The following CYP2A13 variants were observed in gnomAD, a reference collection of about 807,000 sequenced individuals.
CYP2A13 encodes cytochrome P450 family 2 subfamily A member 13, also known as cytochrome P450 2A13.
Under a neutral mutation model 39.4 loss-of-function variants are expected in CYP2A13, and 30 were observed. That is an observed-to-expected ratio of 0.76 (90% CI 0.57 to 1.03). The LOEUF (loss-of-function observed/expected upper bound fraction) is 1.03. Ranked by LOEUF, CYP2A13 falls within the 50% of genes least tolerant of loss-of-function variation. The probability of loss-of-function intolerance (pLI) is 0.00; values close to 1 mark genes in which losing one functional copy is unlikely to be tolerated. For missense variants in CYP2A13, 731 were observed against 648.4 expected, an observed-to-expected ratio of 1.13 and a Z score of -1.38; for synonymous variants, 269 against 254.7, an observed-to-expected ratio of 1.06 and a Z score of -0.54.
At position 41,091,756 on chromosome 19, in the gene CYP2A13, A is replaced by G. The variant is rs1157901067; in HGVS notation, c.679A>G (p.Met227Val). The change falls in exon 5 of 9, where the codon ATG becomes GTG. Residue 227 changes from methionine to valine, a missense_variant. By Grantham distance (21) the Met-to-Val change is conservative. Coordinates refer to ENST00000330436, the MANE Select transcript of CYP2A13 (RefSeq NM_000766.5). ...GQLYEMFSSV[M>V]KHLPGPQQQA... ...GCTCTATGAGATGTTCTCTTCGGTG[A>G]TGAAACACCTGCCAGGACCACAGCA... 1.2e-6 allele frequency: 2 copies of G among 1,613,840 alleles called. No individual in the cohort carries two copies. Among genetic ancestry groups the G allele is most frequent in the Non-Finnish European group, 1.7e-6 (2 of 1,179,876 alleles).
chr19:41,090,704 C>A lies in CYP2A13; in HGVS notation c.654+140C>A, dbSNP rs1200649808. 4 of 1,365,718 alleles carry A rather than the reference C, an allele frequency of 2.9e-6. No homozygotes were observed. In the African/African-American group the frequency reaches 4.3e-5, roughly 15 times the overall value. 84.6% of individuals were successfully genotyped at this position (1,365,718 alleles called of 1,614,324 possible). On this transcript the variant is annotated intron_variant, in intron 4 of 8. Coordinates refer to ENST00000330436, the MANE Select transcript of CYP2A13 (RefSeq NM_000766.5). ...CAGTCCCCGATATTGGACAACTGGACGGTTGCACCAGAACCCAGGAGGGAT... is the reference window on the plus strand; with the variant it reads ...CAGTCCCCGATATTGGACAACTGGAAGGTTGCACCAGAACCCAGGAGGGAT...
Position 41,090,161 on chromosome 19 carries a change from C to G in CYP2A13, c.458C>G (p.Ala153Gly). Residue 153 changes from alanine to glycine, a missense_variant, in exon 3 of 9, where the codon GCG (alanine) becomes GGG (glycine). Transcript: ENST00000330436. ...ATCGAGGAACGCATCCAGGAGGAGG[C>G]GGGCTTCCTCATCGACGCCCTCCGG... ...RGIEERIQEE[A>G]GFLIDALRGT... is the part of the protein sequence containing the mutation. 2.5e-6 allele frequency: 4 copies of G among 1,591,292 alleles called. No individual in the cohort carries two copies. The highest frequency in any genetic ancestry group is 1.3e-5 in the African/African-American group (1 of 74,580).
In CYP2A13 at chr19:41,095,073, A is replaced by G. The variant is rs752229472; in HGVS notation, c.1276A>G (p.Ser426Gly). ...GGATAAGAAGGGGCAGTTTAAGAAG[A>G]GTGATGCTTTTGTGCCCTTTTCCAT... ...FLDKKGQFKK[S>G]DAFVPFSIGK... Residue 426 changes from serine (S) to glycine (G), a missense_variant, in exon 8 of 9, where the codon AGT (serine) becomes GGT (glycine). By Grantham distance (56) the Ser-to-Gly change is moderately conservative. Coordinates refer to ENST00000330436, the MANE Select transcript of CYP2A13 (RefSeq NM_000766.5). 1 of 1,614,074 alleles carries G rather than the reference A, an allele frequency of 6.2e-7. No homozygotes were observed. Among genetic ancestry groups the G allele is most frequent in the Non-Finnish European group, 8.5e-7 (1 of 1,180,022 alleles).
intron 3 of CYP2A13, 91 bp from the exon 4 acceptor site, chr19:41,090,313 C>T: frequency 1.3e-6 from 2 of 1,589,008 alleles, no homozygotes; most frequent in Non-Finnish European, 8.6e-7. Context: ...TGGGATTCGG[C>T]TCAACAGGGC....
rs72547586 is a variant in CYP2A13, at chr19:41,088,938, C to A, written c.190C>A (p.Arg64Ser). Residue 64 changes from arginine (R) to serine (S), a missense_variant, in exon 2 of 9, where the codon CGC becomes AGC. Arg to Ser is a moderately radical substitution (Grantham distance 110, BLOSUM62 -1). Coordinates refer to ENST00000330436, the MANE Select transcript of CYP2A13 (RefSeq NM_000766.5). Reference sequence around the variant, plus strand: ...CACCTGCCTCCAACAGATCAGTGAGCGCTATGGCCCTGTGTTCACCATTCA... The same window carrying A: ...CACCTGCCTCCAACAGATCAGTGAGAGCTATGGCCCTGTGTTCACCATTCA... ...MYNSLMKISERYGPVFTIHLG... is the reference protein window; with the variant it reads ...MYNSLMKISESYGPVFTIHLG... 5.0e-5 allele frequency: 80 copies of A among 1,613,876 alleles called. 1 individual carries two copies. In the African/African-American group the frequency reaches 9.9e-4, roughly 20 times the overall value.
At chr19:41,089,279 G>A (rs533156747) in intron 2 of CYP2A13, among the ~76,000 whole-genome samples, 188 bp downstream of exon 2, 2 of 151,912 alleles carry the variant, frequency 1.3e-5, no homozygotes, top group South Asian at 2.1e-4. Flanking sequence ...CGTCCCTGTC[G>A]TGATTCCTCC....
intron 7 of CYP2A13, 64 bp downstream of exon 7, chr19:41,094,496 C>T: frequency 3.2e-6 from 5 of 1,586,928 alleles, no homozygotes; most frequent in Non-Finnish European, 4.3e-6. Context: ...CTCTGTGTCC[C>T]CAGAATCCTG....
intron 7 of CYP2A13, 85 bp from the exon 8 acceptor site, chr19:41,094,874 A>C: frequency 6.6e-7 from 1 of 1,514,696 alleles, no homozygotes; most frequent in Non-Finnish European, 9.1e-7. Flanking sequence ...CACCTGGGGC[A>C]CCCTAGTTCC....
At chr19:41,093,520 T>C (rs1294289263) in intron 5 of CYP2A13, 110 bp from the exon 6 acceptor site, 2 of 1,400,412 alleles carry the variant, frequency 1.4e-6, no homozygotes, top group East Asian at 4.7e-5. Context: ...CTAGGGTCCC[T>C]CTTTCCACCT....
intron 4 of CYP2A13, 117 bp from the exon 5 acceptor site, chr19:41,091,614 AC>A (rs879271674): frequency 4.3e-5 from 63 of 1,465,978 alleles, no homozygotes; most frequent in Non-Finnish European, 5.2e-5. Context: ...ATACCTAAAC[AC>A]CTGGACAGAT....
chr19:41,094,875 C>T (rs10425590), intron 7 of CYP2A13, 84 bp from the exon 8 acceptor site: 3 of 1,528,556 alleles, frequency 2.0e-6, no homozygotes, highest in Non-Finnish European at 1.8e-6. Context: ...ACCTGGGGCA[C>T]CCTAGTTCCC....
chr19:41,090,926 G>C (rs940439421), intron 4 of CYP2A13, among the ~76,000 whole-genome samples: 20 of 152,156 alleles, frequency 1.3e-4, no homozygotes, highest in South Asian at 4.1e-4. Flanking sequence ...AAGTGACTGC[G>C]TCAACCCGCC....
chr19:41,095,814 T>A lies in CYP2A13; in HGVS notation c.1358T>A (p.Phe453Tyr), dbSNP rs72547590. The A allele has an allele frequency of 1.6e-5, 26 of 1,613,978 alleles. No individual in the cohort carries two copies. In the East Asian group the frequency reaches 4.0e-4, roughly 25 times the overall value. ...GCCAGAATGGAGCTCTTTCTCTTCT[T>A]CACCACCATCATGCAGAACTTTCGC... The part of the protein sequence containing the change: ...GLARMELFLF[F>Y]TTIMQNFRFK... Residue 453 changes from phenylalanine to tyrosine, a missense_variant, in exon 9 of 9, where the codon TTC becomes TAC. Physicochemically the swap from Phe to Tyr is conservative, Grantham distance 22. Transcript: ENST00000330436.
intron 2 of CYP2A13, among the ~76,000 whole-genome samples, chr19:41,089,808 C>G (rs1375156104): frequency 7.8e-3 from 16 of 2,044 alleles, no homozygotes; most frequent in African/African-American, 0.035. Context: ...TACCCGGTCT[C>G]TCTCTCTCTC....
chr19:41,096,084 C>T lies in CYP2A13; in HGVS notation c.*143C>T. 8.0e-7 allele frequency: 1 copy of T among 1,250,218 alleles called. No individual in the cohort carries two copies. Among genetic ancestry groups the T allele is most frequent in the Non-Finnish European group, 1.1e-6 (1 of 902,246 alleles). The allele number at this position is 1,250,218 out of a possible 1,614,324, so 77.4% of individuals were successfully genotyped here. A position where few individuals can be genotyped will look rare whatever the true frequency, so the allele number is the denominator to read the frequency against. Reference sequence around the variant, plus strand: ...AGGTGGTTAGAGGGAACAGAAGAAACAGAAGGGGCTCAGTTCACCTTGATG... The same window carrying T: ...AGGTGGTTAGAGGGAACAGAAGAAATAGAAGGGGCTCAGTTCACCTTGATG... On this transcript the variant is annotated 3_prime_UTR_variant, in exon 9 of 9. Coordinates refer to ENST00000330436, the MANE Select transcript of CYP2A13 (RefSeq NM_000766.5).
intron 6 of CYP2A13, among the ~76,000 whole-genome samples, chr19:41,094,021 A>G (rs1486898623): frequency 6.6e-6 from 1 of 152,072 alleles, no homozygotes; most frequent in African/African-American, 2.4e-5. Flanking sequence ...GCTCCTCTGG[A>G]TCATCCCCTA....
Position 41,089,003 on chromosome 19 carries a change from T to C in CYP2A13, c.255T>C (p.Asp85=), listed in dbSNP as rs534042805. Residue 85 remains aspartate, a synonymous_variant, in exon 2 of 9, where the codon GAT becomes GAC. Transcript: ENST00000330436. Reference sequence around the variant, plus strand: ...GGGTCGTGGTGCTGTGCGGACATGATGCCGTCAAGGAGGCTCTGGTGGACC... The same window carrying C: ...GGGTCGTGGTGCTGTGCGGACATGACGCCGTCAAGGAGGCTCTGGTGGACC... ...PRRVVVLCGH[D]AVKEALVDQA... is the part of the protein sequence containing the mutation. 1 of 1,613,894 alleles carries C rather than the reference T, an allele frequency of 6.2e-7. No individual in the cohort carries two copies. Among genetic ancestry groups the C allele is most frequent in the East Asian group, 2.2e-5 (1 of 44,878 alleles).
chr19:41,095,909 C>T lies in CYP2A13; in HGVS notation c.1453C>T (p.Arg485Ter), dbSNP rs777696519. ...PKHVGFATIP[R>*]NYTMSFLPR ...ACACGTGGGCTTTGCCACGATCCCACGAAACTACACCATGAGCTTCCTGCC... is the reference window on the plus strand; with the variant it reads ...ACACGTGGGCTTTGCCACGATCCCATGAAACTACACCATGAGCTTCCTGCC... The change falls in exon 9 of 9, where the codon CGA (arginine) becomes TGA (stop). Residue 485 changes from arginine to a stop codon, truncating the protein, a stop_gained. Transcript: ENST00000330436. LOFTEE classifies it high-confidence loss of function. 17 of 1,613,558 alleles carry T rather than the reference C, an allele frequency of 1.1e-5. No homozygotes were observed. The highest frequency in any genetic ancestry group is 1.6e-4 in the Middle Eastern group (1 of 6,080).
rs774308030 is a variant in CYP2A13, at chr19:41,095,022, C to CG, written c.1228dup (p.Asp410GlyfsTer10). ...AGACCCCAGGTTCTTCTCCAACCCC[C>CG]GGGACTTCAATCCCCAGCACTTCCT... On this transcript the variant is annotated frameshift_variant, in exon 8 of 9. Transcript: ENST00000330436. LOFTEE classifies it high-confidence loss of function. 71 of 1,614,026 alleles carry CG rather than the reference C, an allele frequency of 4.4e-5. No homozygotes were observed. Among genetic ancestry groups the CG allele is most frequent in the Non-Finnish European group, 5.7e-5 (67 of 1,180,044 alleles).
Sources: allele counts gnomAD v4.1 joint callset (sites outside exome capture counted in the v4.1 genomes callset), GRCh38; gene constraint gnomAD v4.1.1; transcripts MANE v1.5; gene names NCBI Gene and HGNC (gene_info 2026-07-23, HGNC 2026-07-21).